Variants in TMCC3 observed in about 807,000 individuals in gnomAD.
TMCC3 encodes transmembrane and coiled-coil domain family 3, also known as transmembrane and coiled-coil domain protein 3.
A neutral mutation model predicts 40.2 loss-of-function variants in TMCC3; 28 were observed. The ratio of observed to expected loss-of-function variants is 0.70; its 90% CI spans 0.52 to 0.95. The LOEUF is 0.95. Ranked by LOEUF, TMCC3 falls within the 40% of genes least tolerant of loss-of-function variation. The pLI is 0.00. For missense variants in TMCC3, 554 were observed against 615.2 expected (o/e 0.90, Z 1.05); for synonymous variants, 255 against 248.5 (o/e 1.03, Z -0.25).
intron 1 of TMCC3, among the ~76,000 whole-genome samples, chr12:94,633,172 T>C (rs2068942465): frequency 2.0e-5 from 3 of 152,190 alleles, no homozygotes; most frequent in African/African-American, 7.2e-5. Flanking sequence ...GTATGCAGAA[T>C]TGTAACCCAA....
chr12:94,603,209 C>T (rs901431922), intron 1 of TMCC3, among the ~76,000 whole-genome samples: 3 of 152,168 alleles, frequency 2.0e-5, no homozygotes, highest in African/African-American at 4.8e-5. Context: ...CTCAGCTTCC[C>T]GAGTACCTGG....
intron 1 of TMCC3, among the ~76,000 whole-genome samples, chr12:94,609,228 C>T (rs2068800990): frequency 6.6e-6 from 1 of 151,828 alleles, no homozygotes. Context: ...ACTGTTGTCT[C>T]CAAAATTAAA....
intron 3 of TMCC3, among the ~76,000 whole-genome samples, chr12:94,575,275 G>C (rs1036249338): frequency 3.3e-5 from 5 of 152,206 alleles, no homozygotes; most frequent in Admixed American, 2.0e-4. Context: ...CCTGAGGATT[G>C]TGGCTACTCC....
chr12:94,619,007 C>A (rs1038031635), intron 1 of TMCC3, among the ~76,000 whole-genome samples: 1 of 152,194 alleles, frequency 6.6e-6, no homozygotes, highest in African/African-American at 2.4e-5. Flanking sequence ...TGGCACCCAG[C>A]CCGTGGTCTA....
intron 1 of TMCC3, among the ~76,000 whole-genome samples, chr12:94,627,004 G>A (rs938074636): frequency 6.6e-6 from 1 of 151,994 alleles, no homozygotes; most frequent in African/African-American, 2.4e-5. Flanking sequence ...GGGACTAAAG[G>A]TGTGCACTAC....
At chr12:94,611,300 G>T (rs947803065) in intron 1 of TMCC3, among the ~76,000 whole-genome samples, 4 of 152,138 alleles carry the variant, frequency 2.6e-5, no homozygotes, top group African/African-American at 9.7e-5. Context: ...GAATTGCCAA[G>T]TCATAAATAT....
In TMCC3 at chr12:94,581,623, T is replaced by G; in HGVS notation, c.994A>C (p.Arg332=). The G allele has an allele frequency of 6.7e-7, 1 of 1,482,718 alleles. No individual in the cohort carries two copies. Among genetic ancestry groups the G allele is most frequent in the Non-Finnish European group, 9.0e-7 (1 of 1,108,692 alleles). 91.8% of individuals were successfully genotyped at this position (1,482,718 alleles called of 1,614,324 possible). The part of the protein sequence containing the change: ...ISQTLQEERY[R]YERLEDQLHD... Reference sequence around the variant, plus strand: ...CGCCAATGGAATACTTTGAAATACCTGTATCTTTCCTCTTGCAGGGTCTGA... The same window carrying G: ...CGCCAATGGAATACTTTGAAATACCGGTATCTTTCCTCTTGCAGGGTCTGA... Residue 332 remains arginine (R), a splice_region_variant and synonymous_variant, in exon 2 of 4, where the codon AGG becomes CGG. Coordinates refer to ENST00000261226, the MANE Select transcript of TMCC3 (RefSeq NM_020698.4).
At position 94,578,438 on chromosome 12, in the gene TMCC3, C is replaced by T. The variant is rs749851835; in HGVS notation, c.1087G>A (p.Glu363Lys). 15 of 1,614,038 alleles carry T rather than the reference C, an allele frequency of 9.3e-6. No individual in the cohort carries two copies. Among genetic ancestry groups the T allele is most frequent in the Middle Eastern group, 1.6e-4 (1 of 6,084 alleles). The change falls in exon 3 of 4, where the codon GAG becomes AAG. Residue 363 changes from glutamate (E) to lysine (K), a missense_variant. Coordinates refer to ENST00000261226, the MANE Select transcript of TMCC3 (RefSeq NM_020698.4). Reference protein sequence around the residue: ...NLKQELASIEEKVAYQAYERS... With the variant: ...NLKQELASIEKKVAYQAYERS... ...TCGTAGGCCTGGTAGGCCACCTTCT[C>T]CTCAATGCTGGCCAGCTCCTGCTTC...
chr12:94,577,313 C>T (rs905964851), intron 3 of TMCC3, among the ~76,000 whole-genome samples: 5 of 152,056 alleles, frequency 3.3e-5, no homozygotes, highest in African/African-American at 9.7e-5. Flanking sequence ...CTCAGCCTCC[C>T]GAGTAGCTGG....
At position 94,577,700 on chromosome 12, in the gene TMCC3, T is replaced by C. The variant is rs1298320778; in HGVS notation, c.1131+694A>G. ...AATGTTTGTGCTGTCTTGAGTTCTTTGGCAGTTGCGCTATCCCACACTCTC... is the reference window on the plus strand; with the variant it reads ...AATGTTTGTGCTGTCTTGAGTTCTTCGGCAGTTGCGCTATCCCACACTCTC... On this transcript the variant is annotated intron_variant, in intron 3 of 3. Transcript: ENST00000261226. 2.0e-5 allele frequency among the ~76,000 whole-genome samples: 3 copies of C among 152,310 alleles called. No homozygotes were observed. In the South Asian group the frequency reaches 6.2e-4, roughly 32 times the overall value.
rs78957035 is a variant in TMCC3, at chr12:94,582,104, G to A, written c.513C>T (p.His171=). 14,713 of 1,614,130 alleles carry A rather than the reference G, an allele frequency of 9.1e-3. 85 individuals are homozygous for A. Among genetic ancestry groups the A allele is most frequent in the Middle Eastern group, 0.018 (107 of 6,062 alleles). ...AATGGGGGGCAGTTCGAGATTTCAC[G>A]TGGGCATCTTTCAAAGAGCGATGTA... ...KDIHRSLKDA[H]VKSRTAPHCM... The change falls in exon 2 of 4, where the codon CAC becomes CAT. Residue 171 remains histidine, a synonymous_variant. Coordinates refer to ENST00000261226, the MANE Select transcript of TMCC3 (RefSeq NM_020698.4).
chr12:94,591,810 T>G (rs2138838004), intron 1 of TMCC3, among the ~76,000 whole-genome samples: 1 of 152,312 alleles, frequency 6.6e-6, no homozygotes, highest in East Asian at 1.9e-4. Flanking sequence ...CCCATCTCCC[T>G]CTTGCTATCC....
rs2068891687 is a variant in TMCC3, at chr12:94,624,409, C to T, written c.78+25944G>A. On this transcript the variant is annotated intron_variant, in intron 1 of 3. Transcript: ENST00000261226. ...GTCCACCAAATGTCACATATCCATA[C>T]AATGAAATATTATTCAGCCATGGCC... Among the ~76,000 whole-genome samples, 3 of 152,198 alleles carry T rather than the reference C, an allele frequency of 2.0e-5. No homozygotes were observed. The South Asian group carries it at 6.2e-4, about 31-fold the overall frequency.
intron 1 of TMCC3, among the ~76,000 whole-genome samples, chr12:94,643,368 G>A (rs1380316295): frequency 6.6e-6 from 1 of 152,080 alleles, no homozygotes; most frequent in Admixed American, 6.6e-5. Flanking sequence ...CTCAAAAGAA[G>A]GTGTGAACCC....
chr12:94,629,987 C>T (rs905068544), intron 1 of TMCC3, among the ~76,000 whole-genome samples: 2 of 152,142 alleles, frequency 1.3e-5, no homozygotes, highest in African/African-American at 4.8e-5. Context: ...AGATACAGGC[C>T]AGGCGTGGTG....
rs1168684742 is a variant in TMCC3 at position 94,568,114 on chromosome 12, G to A, written c.*3321C>T. On this transcript the variant is annotated 3_prime_UTR_variant, in exon 4 of 4. Coordinates refer to ENST00000261226, the MANE Select transcript of TMCC3 (RefSeq NM_020698.4). The stretch of plus-strand genomic sequence containing the variant: ...CGGCTGAAATGAAAGACGGAGTTTC[G>A]GAAGATTTCCTTCTGTGAATAGCTG... 2 of 152,146 alleles carry A rather than the reference G, an allele frequency of 1.3e-5. No individual in the cohort carries two copies. Among genetic ancestry groups the A allele is most frequent in the Non-Finnish European group, 2.9e-5 (2 of 68,036 alleles). 9.4% of individuals were successfully genotyped at this position (152,146 alleles called of 1,614,324 possible).
At chr12:94,591,171 C>G in intron 1 of TMCC3, 1 of 303,828 alleles carries the variant, frequency 3.3e-6, no homozygotes, top group Non-Finnish European at 6.5e-6. Context: ...CGTACAGTAG[C>G]CTTTCTAAAT....
intron 1 of TMCC3, among the ~76,000 whole-genome samples, chr12:94,621,395 A>T (rs191223837): frequency 1.5e-3 from 230 of 152,272 alleles, no homozygotes; most frequent in African/African-American, 5.5e-3. Context: ...CAGGGACAGA[A>T]CCTGGACTGT....
At chr12:94,626,129 A>G (rs1344158844) in intron 1 of TMCC3, among the ~76,000 whole-genome samples, 1 of 152,200 alleles carries the variant, frequency 6.6e-6, no homozygotes, top group African/African-American at 2.4e-5. Context: ...AACGCAGAAA[A>G]AACTACCATT....
Sources: gnomAD v4.1 joint callset for allele counts (sites outside exome capture counted in the v4.1 genomes callset) on GRCh38, gnomAD v4.1.1 for gene constraint, MANE v1.5 for transcripts, NCBI Gene and HGNC (gene_info 2026-07-23, HGNC 2026-07-21) for gene names.